The following CCDC146 variants were observed in gnomAD, a reference collection of about 807,000 sequenced individuals.
The protein encoded by CCDC146 is coiled-coil domain containing 146, also known as coiled-coil domain-containing protein 146.
CCDC146 carries 92 observed loss-of-function variants against 119.3 expected under a neutral mutation model. That is an observed-to-expected ratio of 0.77 (90% CI 0.65 to 0.92). The LOEUF (loss-of-function observed/expected upper bound fraction) is 0.92, where lower values mean the gene tolerates loss of function less well. Among genes scored for constraint, CCDC146 ranks in the 40% least tolerant of loss-of-function variants. CCDC146 has a pLI of 0.00. For synonymous variants in CCDC146, 372 were observed against 371.8 expected (o/e 1.00, Z -0.01); for missense variants, 1,000 against 1,103.0 (o/e 0.91, Z 1.32).
At chr7:77,165,208 G>A (rs936724934) in intron 1 of CCDC146, among the ~76,000 whole-genome samples, 2 of 151,830 alleles carry the variant, frequency 1.3e-5, no homozygotes, top group African/African-American at 4.9e-5. Flanking sequence ...TGACCAAATC[G>A]ATGGCTAATA....
At chr7:77,198,165 G>A in intron 2 of CCDC146, 1 of 985,444 alleles carries the variant, frequency 1.0e-6, no homozygotes, top group Non-Finnish European at 1.2e-6. Flanking sequence ...GGTACATTCA[G>A]ATGCAGGCTG....
intron 2 of CCDC146, among the ~76,000 whole-genome samples, chr7:77,207,395 C>T (rs1334736796): frequency 6.6e-6 from 1 of 152,026 alleles, no homozygotes; most frequent in Non-Finnish European, 1.5e-5. Context: ...TTAAACTACC[C>T]ACCATTATTT....
intron 1 of CCDC146, among the ~76,000 whole-genome samples, chr7:77,132,972 G>A (rs1367396129): frequency 1.3e-5 from 2 of 151,984 alleles, no homozygotes; most frequent in African/African-American, 4.8e-5. Flanking sequence ...AGGAGTTCAA[G>A]ACCAGTCTGG....
At chr7:77,156,979 C>G (rs1791187941) in intron 1 of CCDC146, among the ~76,000 whole-genome samples, 1 of 144,600 alleles carries the variant, frequency 6.9e-6, no homozygotes, top group Non-Finnish European at 1.5e-5. Flanking sequence ...TTTTTGTAAC[C>G]CTGTTTTGAA....
At chr7:77,173,446 T>C (rs1255429965) in intron 2 of CCDC146, among the ~76,000 whole-genome samples, 2 of 151,944 alleles carry the variant, frequency 1.3e-5, no homozygotes, top group Non-Finnish European at 2.9e-5. Context: ...CTGGCCAACA[T>C]GGCGAAACCC....
chr7:77,228,414 G>A (rs1390526246), intron 2 of CCDC146, among the ~76,000 whole-genome samples: 1 of 152,080 alleles, frequency 6.6e-6, no homozygotes, highest in Non-Finnish European at 1.5e-5. Flanking sequence ...GTGGTATTTG[G>A]TTCTCTGCCC....
chr7:77,278,143 C>A (rs1360781328), intron 11 of CCDC146, among the ~76,000 whole-genome samples: 4 of 152,158 alleles, frequency 2.6e-5, no homozygotes, highest in African/African-American at 2.4e-5. Context: ...ATAACACTCA[C>A]CAAAACTTAC....
At chr7:77,124,941 TC>T (rs1281285259) in intron 1 of CCDC146, among the ~76,000 whole-genome samples, 3 of 151,198 alleles carry the variant, frequency 2.0e-5, no homozygotes, top group African/African-American at 7.4e-5. Context: ...GCCTGTAATT[TC>T]AGCACTTTGG....
At chr7:77,221,835 A>G (rs991441531) in intron 2 of CCDC146, among the ~76,000 whole-genome samples, 1 of 152,238 alleles carries the variant, frequency 6.6e-6, no homozygotes, top group African/African-American at 2.4e-5. Flanking sequence ...GGATCTATCA[A>G]GTGAACAAAA....
At chr7:77,259,161 A>C (rs1285773388) in intron 7 of CCDC146, 93 bp downstream of exon 7, 1 of 712,198 alleles carries the variant, frequency 1.4e-6, no homozygotes, top group East Asian at 2.9e-5. Flanking sequence ...ACATTAAATT[A>C]CTATGATAAT....
At chr7:77,141,879 A>T (rs113296676) in intron 1 of CCDC146, among the ~76,000 whole-genome samples, 66 of 152,174 alleles carry the variant, frequency 4.3e-4, no homozygotes, top group African/African-American at 1.4e-3. Context: ...GTTCACTGTG[A>T]TGATAGTTTC....
chr7:77,148,368 G>A (rs565767725), intron 1 of CCDC146, among the ~76,000 whole-genome samples: 5 of 152,174 alleles, frequency 3.3e-5, no homozygotes, highest in South Asian at 4.1e-4. Context: ...TGGGTGAGGC[G>A]ATGCCTCACC....
In CCDC146 at chr7:77,256,355, T is replaced by C; in HGVS notation, c.530T>C (p.Ile177Thr). 2 of 1,594,428 alleles carry C rather than the reference T, an allele frequency of 1.3e-6. No individual in the cohort carries two copies. Among genetic ancestry groups the C allele is most frequent in the Non-Finnish European group, 1.7e-6 (2 of 1,173,862 alleles). Reference protein sequence around the residue: ...KPGEMEKKMKILRESTEELRK... With the variant: ...KPGEMEKKMKTLRESTEELRK... The stretch of plus-strand genomic sequence containing the variant: ...AAGGAAATGGAGAAGAAGATGAAAA[T>C]ATTGAGAGAAAGCACTGAAGAATTA... Residue 177 changes from isoleucine to threonine, a missense_variant, in exon 6 of 19, where the codon ATA becomes ACA. Physicochemically the swap from Ile to Thr is moderately conservative, Grantham distance 89. Transcript: ENST00000285871.
chr7:77,198,303 AAC>A (rs1791914233), intron 2 of CCDC146: 1 of 985,426 alleles, frequency 1.0e-6, no homozygotes, highest in East Asian at 1.1e-4. Flanking sequence ...CTGTCCTTTC[AAC>A]CTCACGTTCA....
At chr7:77,175,939 A>G (rs1227638333) in intron 2 of CCDC146, among the ~76,000 whole-genome samples, 1 of 151,270 alleles carries the variant, frequency 6.6e-6, no homozygotes, top group Admixed American at 6.6e-5. Flanking sequence ...AAATGTCAAC[A>G]AAAGGCATAT....
chr7:77,184,528 G>T (rs1791635045), intron 2 of CCDC146, among the ~76,000 whole-genome samples: 1 of 152,158 alleles, frequency 6.6e-6, no homozygotes, highest in Non-Finnish European at 1.5e-5. Context: ...ACTTGTAAAT[G>T]ACACATTCTG....
intron 2 of CCDC146, among the ~76,000 whole-genome samples, chr7:77,213,557 T>G (rs758485142): frequency 5.3e-5 from 8 of 152,186 alleles, no homozygotes; most frequent in Admixed American, 2.0e-4. Flanking sequence ...GGGTTTGGCT[T>G]TCTCTTGAAC....
chr7:77,292,983 C>T lies in CCDC146; in HGVS notation c.2447C>T (p.Ala816Val). The change falls in exon 18 of 19, where the codon GCA becomes GTA. Residue 816 changes from alanine to valine, a missense_variant. Coordinates refer to ENST00000285871, the MANE Select transcript of CCDC146 (RefSeq NM_020879.3). ...GGCTATCAAAGAAGGATCAAAAATG[C>T]AACTGAGAAAATGATGGCTCTTGTT... is the stretch of plus-strand genomic sequence containing the variant. The part of the protein sequence containing the change: ...MNGYQRRIKN[A>V]TEKMMALVAE... The T allele has an allele frequency of 6.2e-7, 1 of 1,613,790 alleles. No homozygotes were observed. The highest frequency in any genetic ancestry group is 8.5e-7 in the Non-Finnish European group (1 of 1,179,918).
At chr7:77,239,075 T>C (rs138063543) in intron 3 of CCDC146, among the ~76,000 whole-genome samples, 4 of 152,310 alleles carry the variant, frequency 2.6e-5, no homozygotes, top group African/African-American at 9.6e-5. Context: ...TGAAACTGAA[T>C]GAGTCTTCCA....
Sources: allele counts gnomAD v4.1 joint callset (sites outside exome capture counted in the v4.1 genomes callset), GRCh38; gene constraint gnomAD v4.1.1; transcripts MANE v1.5; gene names NCBI Gene and HGNC (gene_info 2026-07-23, HGNC 2026-07-21).